Variants in EPG5 observed in about 807,000 individuals in gnomAD.
EPG5 encodes ectopic P-granules 5 autophagy tethering factor.
In EPG5, 159 loss-of-function variants were observed where a neutral mutation model predicts 302.7. The ratio of observed to expected loss-of-function variants is 0.53; its 90% CI spans 0.46 to 0.60. EPG5 has a LOEUF of 0.60. Ranked by LOEUF, EPG5 falls within the 20% of genes least tolerant of loss-of-function variation. The probability of loss-of-function intolerance (pLI) is 0.00; values close to 1 mark genes in which losing one functional copy is unlikely to be tolerated. For synonymous variants in EPG5, 1,158 were observed against 1,136.8 expected, an observed-to-expected ratio of 1.02 and a Z score of -0.37; for missense variants, 2,896 against 3,092.4, an observed-to-expected ratio of 0.94 and a Z score of 1.51.
chr18:45,842,255 G>GT, the EPG5 span: 5 of 1,560,878 alleles, frequency 3.2e-6, no homozygotes, highest in African/African-American at 1.4e-5. Context: ...AGGCTTGGCT[G>GT]GCACAGCCAG....
the EPG5 span, among the ~76,000 whole-genome samples, chr18:45,827,207 T>G: frequency 1.3e-5 from 2 of 152,174 alleles, no homozygotes; most frequent in Non-Finnish European, 2.9e-5. Flanking sequence ...TGAGCCACCA[T>G]GCCCGGCAGA....
In EPG5 at chr18:45,910,725, C is replaced by G. The variant is rs938393640; in HGVS notation, c.4001G>C (p.Cys1334Ser). 2 of 1,613,992 alleles carry G rather than the reference C, an allele frequency of 1.2e-6. No homozygotes were observed. Among genetic ancestry groups the G allele is most frequent in the Non-Finnish European group, 8.5e-7 (1 of 1,179,912 alleles). Residue 1334 changes from cysteine to serine, a missense_variant, in exon 23 of 44, where the codon TGT (cysteine) becomes TCT (serine). Physicochemically the swap from Cys to Ser is moderately radical, Grantham distance 112 (BLOSUM62 -1). This residue lies in a region of EPG5 where 790 missense variants were observed against 798.0 expected (regional missense o/e 0.99). Coordinates refer to ENST00000282041, the MANE Select transcript of EPG5 (RefSeq NM_020964.3). ...ACTTTGAAAAAACCTTCTTCCAATA[C>G]AACCATCTATGGGTAACCTTAAAAA... ...GPQYGLPIDG[C>S]IGRRFFQSPA...
At chr18:45,924,263 C>T (rs1345346014) in intron 14 of EPG5, among the ~76,000 whole-genome samples, 1 of 152,180 alleles carries the variant, frequency 6.6e-6, no homozygotes. Flanking sequence ...CATAAGGAGA[C>T]TCTCACGCAG....
At chr18:45,957,345 A>T (rs2051054130) in intron 1 of EPG5, among the ~76,000 whole-genome samples, 1 of 152,218 alleles carries the variant, frequency 6.6e-6, no homozygotes, top group African/African-American at 2.4e-5. Flanking sequence ...TCAGATCCAG[A>T]AGTCAGTCAC....
At chr18:45,872,795 AC>A (rs1364328652) in intron 35 of EPG5, among the ~76,000 whole-genome samples, 3 of 152,250 alleles carry the variant, frequency 2.0e-5, no homozygotes, top group Non-Finnish European at 4.4e-5. Flanking sequence ...CCGGCATGGA[AC>A]AGGAATGCAC....
chr18:45,872,041 A>G (rs1282694382), intron 35 of EPG5, among the ~76,000 whole-genome samples: 1 of 152,230 alleles, frequency 6.6e-6, no homozygotes, highest in African/African-American at 2.4e-5. Context: ...ATCAATGTAT[A>G]TAATTATGAT....
the EPG5 span, chr18:45,829,186 A>G: frequency 1.0e-6 from 1 of 981,876 alleles, no homozygotes; most frequent in Non-Finnish European, 1.2e-6. Flanking sequence ...CAGCTCAGGT[A>G]AGCAGGGCCA....
intron 8 of EPG5, among the ~76,000 whole-genome samples, chr18:45,943,716 T>G (rs1260435351): frequency 6.6e-6 from 1 of 152,074 alleles, no homozygotes; most frequent in South Asian, 2.1e-4. Flanking sequence ...AGTCAGGAGA[T>G]GGAGACCATC....
rs897520700 is a variant in EPG5 at position 45,913,715 on chromosome 18, T to C, written c.3807A>G (p.Gln1269=). Reference sequence around the variant, plus strand: ...GAACTGCTATTTGTACCTTCAGAGCTTGGTCAGGGGTGAAAGCAGAGTTTA... The same window carrying C: ...GAACTGCTATTTGTACCTTCAGAGCCTGGTCAGGGGTGAAAGCAGAGTTTA... The part of the protein sequence containing the change: ...LVINSAFTPD[Q]ALKKAQTQLK... The change falls in exon 21 of 44, where the codon CAA becomes CAG. Residue 1269 remains glutamine, a synonymous_variant. Coordinates refer to ENST00000282041, the MANE Select transcript of EPG5 (RefSeq NM_020964.3). 6.2e-7 allele frequency: 1 copy of C among 1,613,978 alleles called. No individual in the cohort carries two copies. Among genetic ancestry groups the C allele is most frequent in the African/African-American group, 1.3e-5 (1 of 74,940 alleles).
At chr18:45,817,078 G>A in the EPG5 span, among the ~76,000 whole-genome samples, 1 of 152,110 alleles carries the variant, frequency 6.6e-6, no homozygotes, top group African/African-American at 2.4e-5. Context: ...GGATGCAAAG[G>A]CTTAATAACT....
intron 28 of EPG5, among the ~76,000 whole-genome samples, chr18:45,889,015 CTTTT>C (rs1192991046): frequency 6.6e-6 from 1 of 152,088 alleles, no homozygotes; most frequent in Non-Finnish European, 1.5e-5. Flanking sequence ...ATTCTCACAC[CTTTT>C]TGTGTCCCTT....
chr18:45,924,375 G>C (rs1048253597), intron 14 of EPG5, among the ~76,000 whole-genome samples: 1 of 152,218 alleles, frequency 6.6e-6, no homozygotes, highest in East Asian at 1.9e-4. Context: ...GTCAATGAGA[G>C]AGGGCCCAGA....
the EPG5 span, chr18:45,837,388 T>C: frequency 1.5e-6 from 2 of 1,334,170 alleles, no homozygotes; most frequent in African/African-American, 3.0e-5. Context: ...GGACGATCCC[T>C]GAGTCCTGGG....
chr18:45,909,366 G>A (rs1568143870), intron 23 of EPG5, among the ~76,000 whole-genome samples: 1 of 152,152 alleles, frequency 6.6e-6, no homozygotes, highest in Non-Finnish European at 1.5e-5. Flanking sequence ...ACTGGTTAAG[G>A]CTGGTTAAAA....
At chr18:45,804,966 C>T in the EPG5 span, among the ~76,000 whole-genome samples, 2 of 151,938 alleles carry the variant, frequency 1.3e-5, no homozygotes, top group Admixed American at 6.6e-5. Flanking sequence ...AGGACCTATA[C>T]GATTGCAAGG....
At chr18:45,840,301 G>T in the EPG5 span, 1 of 1,551,368 alleles carries the variant, frequency 6.4e-7, no homozygotes. Context: ...TCATCACCCA[G>T]GGGGTCCAGG....
In EPG5 at chr18:45,871,831, T is replaced by C. The variant is rs550684540; in HGVS notation, c.6050-1089A>G. ...AGTTGCTGATCAAAAGGGCACAAAG[T>C]TTCAGAGGGCAGGAGGAATAGGTTT... On this transcript the variant is annotated intron_variant, in intron 35 of 43. Coordinates refer to ENST00000282041, the MANE Select transcript of EPG5 (RefSeq NM_020964.3). 2.6e-5 allele frequency among the ~76,000 whole-genome samples: 4 copies of C among 152,152 alleles called. No homozygotes were observed. In the East Asian group the frequency reaches 7.7e-4, roughly 29 times the overall value.
downstream of EPG5, among the ~76,000 whole-genome samples, chr18:45,846,521 CAAAAAAAAAAAA>C (rs67294951): frequency 3.0e-4 from 14 of 46,370 alleles, no homozygotes; most frequent in African/African-American, 1.1e-3. Flanking sequence ...AACTCCCTCT[CAAAAAAAAAAAA>C]AAAAAAAAAA....
intron 36 of EPG5, 150 bp from the exon 37 acceptor site, chr18:45,867,898 T>C: frequency 2.8e-6 from 2 of 725,596 alleles, no homozygotes; most frequent in East Asian, 5.4e-5. Context: ...AGATTTAGAC[T>C]TAATATTTGT....
Sources: allele counts gnomAD v4.1 joint callset (sites outside exome capture counted in the v4.1 genomes callset), GRCh38; gene constraint gnomAD v4.1.1; regional missense constraint gnomAD v4.1.1; transcripts MANE v1.5; gene names NCBI Gene and HGNC (gene_info 2026-07-23, HGNC 2026-07-21).